Variants in RASA3 observed in about 807,000 individuals in gnomAD.
RASA3 encodes the protein ras GTPase-activating protein 3.
Under a neutral mutation model 110.0 loss-of-function variants are expected in RASA3, and 73 were observed. The observed-to-expected ratio is 0.66, with a 90% confidence interval of 0.55 to 0.81. The LOEUF (loss-of-function observed/expected upper bound fraction) is 0.81. Ranked by LOEUF, RASA3 falls within the 30% of genes least tolerant of loss-of-function variation. The pLI is 0.00. For synonymous variants in RASA3, 500 were observed against 451.4 expected, an observed-to-expected ratio of 1.11 and a Z score of -1.37; for missense variants, 976 against 1,113.2, an observed-to-expected ratio of 0.88 and a Z score of 1.75.
chr13:114,123,504 A>G (rs1353989729), intron 1 of RASA3, among the ~76,000 whole-genome samples: 1 of 152,260 alleles, frequency 6.6e-6, no homozygotes, highest in Non-Finnish European at 1.5e-5. Context: ...ACGCCACACG[A>G]ACAGCCAGCC....
chr13:114,017,411 C>A (rs2053818769), intron 11 of RASA3, 60 bp from the exon 12 acceptor site: 1 of 1,369,272 alleles, frequency 7.3e-7, no homozygotes, highest in East Asian at 2.4e-5. Context: ...GCAGACGGAG[C>A]AGAGCCTGGC....
In RASA3 at chr13:114,000,980, C is replaced by T. The variant is rs374391088; in HGVS notation, c.1743-48G>A. On this transcript the variant is annotated intron_variant, in intron 18 of 23. Coordinates refer to ENST00000334062, the MANE Select transcript of RASA3 (RefSeq NM_007368.4). The stretch of plus-strand genomic sequence containing the variant: ...CGGGGTCCGGGCCTCAGCTGCCTCC[C>T]TGCACAGGTGAAAAACCACACCCCC... The T allele has an allele frequency of 1.2e-5, 16 of 1,316,608 alleles. No individual in the cohort carries two copies. In the African/African-American group the frequency reaches 1.6e-4, roughly 13 times the overall value. The allele number at this position is 1,316,608 out of a possible 1,614,324, so 81.6% of individuals were successfully genotyped here. A position where few individuals can be genotyped will look rare whatever the true frequency, so the allele number is the denominator to read the frequency against.
chr13:114,011,377 CA>C lies in RASA3; in HGVS notation c.1513-130del. 1 of 808,712 alleles carries C rather than the reference CA, an allele frequency of 1.2e-6. No individual in the cohort carries two copies. Among genetic ancestry groups the C allele is most frequent in the Non-Finnish European group, 2.1e-6 (1 of 487,092 alleles). 50.1% of individuals were successfully genotyped at this position (808,712 alleles called of 1,614,324 possible). ...GGCTTGTGCATGAGCTACGGAGAAA[CA>C]GGGGTAGCGACGCAGATGGGACTGG... On this transcript the variant is annotated intron_variant, in intron 15 of 23. Coordinates refer to ENST00000334062, the MANE Select transcript of RASA3 (RefSeq NM_007368.4). This position sits in a 1 kb window ranked among gnomAD's most constrained non-coding sequence, Gnocchi z 4.8.
intron 1 of RASA3, among the ~76,000 whole-genome samples, chr13:114,077,578 A>G (rs539628453): frequency 8.2e-6 from 1 of 121,624 alleles, no homozygotes; most frequent in East Asian, 2.6e-4. Flanking sequence ...ACTGGCACCA[A>G]TGCACCGGAT....
intron 3 of RASA3, 44 bp downstream of exon 3, chr13:114,052,008 A>G (rs1215101192): frequency 6.9e-7 from 1 of 1,440,702 alleles, no homozygotes; most frequent in Non-Finnish European, 9.8e-7. Context: ...CGCCTGGTAC[A>G]GAACAGGCAG....
chr13:114,072,654 C>T (rs1284473771), intron 2 of RASA3, among the ~76,000 whole-genome samples: 1 of 152,170 alleles, frequency 6.6e-6, no homozygotes, highest in Non-Finnish European at 1.5e-5. Context: ...TCCTGGACAG[C>T]GGGAGCATTT....
chr13:114,020,438 G>A (rs2053901439), intron 9 of RASA3, among the ~76,000 whole-genome samples: 1 of 152,226 alleles, frequency 6.6e-6, no homozygotes, highest in South Asian at 2.1e-4. Flanking sequence ...GCCTAACTCA[G>A]CTCAGGGGGC....
At position 113,981,867 on chromosome 13, in the gene RASA3, G is replaced by A; in HGVS notation, c.2246-9C>T. ...TTTGCTCCCACAGGCCTCTGTGGAG[G>A]GCGGAGGGGTCAGCGCAGGGCAGGA... On this transcript the variant is annotated splice_polypyrimidine_tract_variant and intron_variant, in intron 22 of 23. Transcript: ENST00000334062. The A allele has an allele frequency of 6.2e-7, 1 of 1,612,510 alleles. No individual in the cohort carries two copies. Among genetic ancestry groups the A allele is most frequent in the Non-Finnish European group, 8.5e-7 (1 of 1,179,418 alleles).
chr13:114,122,397 G>A lies in RASA3; in HGVS notation c.55+10038C>T, dbSNP rs112595983. Among the ~76,000 whole-genome samples the A allele has an allele frequency of 2.8e-3, 419 of 152,328 alleles. 1 individual carries two copies. The highest frequency in any genetic ancestry group is 3.6e-3 in the Non-Finnish European group (247 of 68,028). ...GCATGCAGATGGTTTTCCCAGAACCGGTTCCTCTTCCTGAATCTCTGCTAA... is the reference window on the plus strand; with the variant it reads ...GCATGCAGATGGTTTTCCCAGAACCAGTTCCTCTTCCTGAATCTCTGCTAA... On this transcript the variant is annotated intron_variant, in intron 1 of 23. Transcript: ENST00000334062.
At position 114,056,948 on chromosome 13, in the gene RASA3, C is replaced by T. The variant is rs1278490013; in HGVS notation, c.174-4793G>A. Reference sequence around the variant, plus strand: ...TCCTGAATCGCAGCAGGGGAGGCAGCGCTTTGGGGCCCTCTGTCAGGCTGC... The same window carrying T: ...TCCTGAATCGCAGCAGGGGAGGCAGTGCTTTGGGGCCCTCTGTCAGGCTGC... On this transcript the variant is annotated intron_variant, in intron 2 of 23. Coordinates refer to ENST00000334062, the MANE Select transcript of RASA3 (RefSeq NM_007368.4). The surrounding 1 kb of genome is among the most constrained non-coding windows in gnomAD (Gnocchi z 5.7). Among the ~76,000 whole-genome samples the T allele has an allele frequency of 6.6e-6, 1 of 152,120 alleles. No homozygotes were observed. Among genetic ancestry groups the T allele is most frequent in the African/African-American group, 2.4e-5 (1 of 41,436 alleles).
intron 8 of RASA3, among the ~76,000 whole-genome samples, chr13:114,022,116 T>G (rs1348766720): frequency 1.3e-5 from 2 of 152,148 alleles, no homozygotes; most frequent in Admixed American, 6.5e-5. Flanking sequence ...TCAGGGGCCA[T>G]GCACACCACA....
intron 22 of RASA3, among the ~76,000 whole-genome samples, chr13:113,984,772 C>T (rs2053014445): frequency 2.2e-5 from 1 of 46,270 alleles, no homozygotes; most frequent in Non-Finnish European, 4.8e-5. Context: ...CCCATCCATC[C>T]ATCCACCCAT....
At chr13:114,124,409 A>G (rs2080418878) in intron 1 of RASA3, among the ~76,000 whole-genome samples, 1 of 152,226 alleles carries the variant, frequency 6.6e-6, no homozygotes, top group South Asian at 2.1e-4. Context: ...ATGCCGTTTG[A>G]CCAATAACCC....
intron 17 of RASA3, 29 bp from the exon 18 acceptor site, chr13:114,007,635 G>A (rs1444284177): frequency 4.4e-6 from 7 of 1,575,164 alleles, no homozygotes; most frequent in Non-Finnish European, 6.1e-6. Context: ...AGGTCACCGG[G>A]AGGAAGCCAC....
At position 114,132,524 on chromosome 13, in the gene RASA3, G is replaced by C. The variant is rs2080536828; in HGVS notation, c.-35C>G. On this transcript the variant is annotated 5_prime_UTR_variant, in exon 1 of 24. Transcript: ENST00000334062. Reference sequence around the variant, plus strand: ...CCGCGCCCGCCGAGCCTCGCCCCAAGCGCGCGCCGAGCCCGGGCAGCTCAG... The same window carrying C: ...CCGCGCCCGCCGAGCCTCGCCCCAACCGCGCGCCGAGCCCGGGCAGCTCAG... 1.4e-6 allele frequency: 2 copies of C among 1,456,742 alleles called. No individual in the cohort carries two copies. Among genetic ancestry groups the C allele is most frequent in the African/African-American group, 2.9e-5 (2 of 68,448 alleles). 90.2% of individuals were successfully genotyped at this position (1,456,742 alleles called of 1,614,324 possible). A position where few individuals can be genotyped will look rare whatever the true frequency, so the allele number is the denominator to read the frequency against.
chr13:114,120,066 C>T (rs1225968672), intron 1 of RASA3, among the ~76,000 whole-genome samples: 1 of 125,940 alleles, frequency 7.9e-6, no homozygotes, highest in African/African-American at 3.6e-5. Context: ...AGCCAGGCGT[C>T]GATCAGGGCC....
At chr13:114,055,287 G>A (rs2079225501) in intron 2 of RASA3, among the ~76,000 whole-genome samples, 1 of 152,232 alleles carries the variant, frequency 6.6e-6, no homozygotes, top group South Asian at 2.1e-4. Context: ...GTACACAAAG[G>A]CACCACAGAT....
rs998107279 is a variant in RASA3, at chr13:114,114,701, C to T, written c.55+17734G>A. Among the ~76,000 whole-genome samples, 1 of 152,202 alleles carries T rather than the reference C, an allele frequency of 6.6e-6. No individual in the cohort carries two copies. Among genetic ancestry groups the T allele is most frequent in the Non-Finnish European group, 1.5e-5 (1 of 68,044 alleles). ...TTCGCCGACCTTTGTTTATGGGTAA[C>T]CCTTGATAACATGTGGGCAGGGTTT... On this transcript the variant is annotated intron_variant, in intron 1 of 23. Transcript: ENST00000334062. The surrounding 1 kb of genome is among the most constrained non-coding windows in gnomAD (Gnocchi z 4.8).
intron 4 of RASA3, among the ~76,000 whole-genome samples, chr13:114,037,732 C>G (rs867616943): frequency 1.3e-5 from 2 of 152,210 alleles, no homozygotes; most frequent in Non-Finnish European, 2.9e-5. Flanking sequence ...CACAGAGAGA[C>G]ACACACAGAA....
Sources: allele counts gnomAD v4.1 joint callset (sites outside exome capture counted in the v4.1 genomes callset), GRCh38; gene constraint gnomAD v4.1.1; non-coding constraint Gnocchi (gnomAD v3.1); transcripts MANE v1.5; gene names NCBI Gene and HGNC (gene_info 2026-07-23, HGNC 2026-07-21).